MYH11: variants seen among roughly 807,000 people sequenced by gnomAD.
MYH11 encodes myosin-11.
In MYH11, 80 loss-of-function variants were observed where a neutral mutation model predicts 246.6. The observed-to-expected ratio is 0.32, with a 90% CI of 0.27 to 0.39. The LOEUF (loss-of-function observed/expected upper bound fraction) is 0.39. Ranked by LOEUF, MYH11 falls within the 10% of genes least tolerant of loss-of-function variation. The probability of loss-of-function intolerance (pLI) is 1.00; values close to 1 mark genes in which losing one functional copy is unlikely to be tolerated. For missense variants in MYH11, 2,158 were observed against 2,546.8 expected (o/e 0.85, Z 3.29); for synonymous variants, 1,071 against 1,015.5 (o/e 1.05, Z -1.04).
intron 40 of MYH11, among the ~76,000 whole-genome samples, chr16:15,706,519 C>T (rs1402106649): frequency 2.0e-5 from 3 of 152,128 alleles, no homozygotes; most frequent in African/African-American, 7.2e-5. Context: ...GCCATCCTGG[C>T]CAATATGGTG....
chr16:15,852,508 T>C (rs7188829), intron 1 of MYH11, among the ~76,000 whole-genome samples: 2,874 of 151,886 alleles, frequency 0.019, 85 homozygotes, highest in African/African-American at 0.058. Flanking sequence ...AATTTTTGTA[T>C]TTTTAGTAGA....
intron 38 of MYH11, 109 bp downstream of exon 38, chr16:15,717,031 G>C: frequency 1.7e-6 from 2 of 1,184,686 alleles, no homozygotes; most frequent in Non-Finnish European, 2.5e-6. Context: ...CACAGAGCTT[G>C]CTTCTTACAA....
chr16:15,770,809 G>A (rs972227735), intron 9 of MYH11, among the ~76,000 whole-genome samples: 17 of 152,126 alleles, frequency 1.1e-4, no homozygotes, highest in Admixed American at 3.9e-4. Context: ...AACTTAAGCC[G>A]GGAATCTACT....
In MYH11 at chr16:15,811,059, G is replaced by A. The variant is rs148246045; in HGVS notation, c.502+12196C>T. On this transcript the variant is annotated intron_variant, in intron 3 of 40. Transcript: ENST00000300036. ...GATGATATTAGGAGGTGGGGCCTTT[G>A]GGAGGTGATGAGATCATGGGGGTTC... 2.8e-3 allele frequency among the ~76,000 whole-genome samples: 423 copies of A among 152,236 alleles called. 1 individual carries two copies. Among genetic ancestry groups the A allele is most frequent in the Non-Finnish European group, 5.3e-3 (359 of 68,024 alleles).
rs1310737252 is a variant in MYH11 at position 15,720,739 on chromosome 16, AAAT to A, written c.4791+97_4791+99del. On this transcript the variant is annotated intron_variant, in intron 33 of 40. Coordinates refer to ENST00000300036, the MANE Select transcript of MYH11 (RefSeq NM_002474.3). Reference sequence around the variant, plus strand: ...CAGAGCGAGACTCTGTTTCAAAAAAAAATAAAGAAAACGAAGTTTCCACACCAA... The same window carrying A: ...CAGAGCGAGACTCTGTTTCAAAAAAAAAAGAAAACGAAGTTTCCACACCAA... The A allele has an allele frequency of 2.5e-5, 34 of 1,342,828 alleles. No individual in the cohort carries two copies. In the Admixed American group the frequency reaches 4.7e-4, roughly 19 times the overall value. The allele number at this position is 1,342,828 out of a possible 1,614,324, so 83.2% of individuals were successfully genotyped here. A position where few individuals can be genotyped will look rare whatever the true frequency, so the allele number is the denominator to read the frequency against.
chr16:15,726,750 G>T, intron 28 of MYH11, 98 bp downstream of exon 28: 1 of 1,384,078 alleles, frequency 7.2e-7, no homozygotes, highest in Non-Finnish European at 1.0e-6. Flanking sequence ...GACTTGCCTT[G>T]CAGCAAGAGA....
At chr16:15,852,687 G>A (rs997799274) in intron 1 of MYH11, among the ~76,000 whole-genome samples, 7 of 152,182 alleles carry the variant, frequency 4.6e-5, no homozygotes, top group Admixed American at 1.3e-4. Flanking sequence ...TTTTAGATAC[G>A]CATGCCCTTT....
intron 19 of MYH11, 73 bp downstream of exon 19, chr16:15,747,497 A>G (rs2151259774): frequency 1.3e-6 from 2 of 1,581,586 alleles, no homozygotes; most frequent in Middle Eastern, 1.7e-4. Context: ...TCTTAGAATC[A>G]GGGAATCAGA....
intron 2 of MYH11, among the ~76,000 whole-genome samples, chr16:15,826,571 C>T (rs1459555780): frequency 6.9e-6 from 1 of 144,884 alleles, no homozygotes; most frequent in Non-Finnish European, 1.5e-5. Context: ...CTGTGTGACA[C>T]GGTGAGACCT....
At chr16:15,718,895 A>G (rs2040316018) in intron 36 of MYH11, 1 of 418,436 alleles carries the variant, frequency 2.4e-6, no homozygotes, top group East Asian at 5.4e-5. Flanking sequence ...TGGGAGGCCA[A>G]GGTAGGAGGA....
intron 1 of MYH11, among the ~76,000 whole-genome samples, chr16:15,843,526 TAAA>T (rs34718696): frequency 1.6e-5 from 2 of 127,880 alleles, no homozygotes; most frequent in African/African-American, 2.9e-5. Flanking sequence ...CTGTCTCTAC[TAAA>T]AAAAAAAAAA....
At chr16:15,781,373 A>G (rs1238730658) in intron 6 of MYH11, among the ~76,000 whole-genome samples, 1 of 152,196 alleles carries the variant, frequency 6.6e-6, no homozygotes, top group Non-Finnish European at 1.5e-5. Flanking sequence ...TGTTACTAAA[A>G]TGGGCCTTGG....
At chr16:15,764,802 C>G (rs2041946008) in intron 9 of MYH11, among the ~76,000 whole-genome samples, 1 of 152,132 alleles carries the variant, frequency 6.6e-6, no homozygotes, top group African/African-American at 2.4e-5. Context: ...AATCATATGT[C>G]AATAAAAGGA....
chr16:15,855,646 T>A (rs995574310), intron 1 of MYH11, among the ~76,000 whole-genome samples: 1 of 152,212 alleles, frequency 6.6e-6, no homozygotes, highest in Non-Finnish European at 1.5e-5. Flanking sequence ...GGCACTGAAG[T>A]GTTCCATCAA....
Position 15,741,594 on chromosome 16 carries a change from G to T in MYH11, c.2728C>A (p.Arg910=). ...TELYAEAEEM[R]VRLAAKKQEL... is the part of the protein sequence containing the mutation. ...TGCTTCTTGGCCGCCAGCCGCACCC[G>T]CATCTCCTCAGCCTCTGCATACAGC... The change falls in exon 22 of 41, where the codon CGG becomes AGG. Residue 910 remains arginine (R), a synonymous_variant. Transcript: ENST00000300036. 2.5e-6 allele frequency: 4 copies of T among 1,612,646 alleles called. No homozygotes were observed. Among genetic ancestry groups the T allele is most frequent in the Non-Finnish European group, 3.4e-6 (4 of 1,180,014 alleles).
rs890227785 is a variant in MYH11, at chr16:15,732,378, G to A, written c.3651+186C>T. On this transcript the variant is annotated intron_variant, in intron 27 of 40. Transcript: ENST00000300036. The stretch of plus-strand genomic sequence containing the variant: ...GCCTCCCCAAGTACTGGGATTACAG[G>A]CGTGAGCCACCTCACCCAGCCTGTA... The A allele has an allele frequency of 7.0e-6, 6 of 861,354 alleles. No individual in the cohort carries two copies. The African/African-American group carries it at 1.0e-4, about 14-fold the overall frequency. The allele number at this position is 861,354 out of a possible 1,614,324, so 53.4% of individuals were successfully genotyped here. A position where few individuals can be genotyped will look rare whatever the true frequency, so the allele number is the denominator to read the frequency against.
In MYH11 at chr16:15,794,903, A is replaced by C. The variant is rs558664536; in HGVS notation, c.530+3757T>G. ...AAGTGAAGAGGGAAGAGCAGATCAC[A>C]CTCAGTCTTCCAAGTCACAGTAAGG... On this transcript the variant is annotated intron_variant, in intron 4 of 40. Transcript: ENST00000300036. Among the ~76,000 whole-genome samples, 5 of 152,336 alleles carry C rather than the reference A, an allele frequency of 3.3e-5. No individual in the cohort carries two copies. The East Asian group carries it at 9.7e-4, about 29-fold the overall frequency.
intron 16 of MYH11, 161 bp downstream of exon 16, chr16:15,749,977 C>T (rs1450354747): frequency 1.1e-6 from 1 of 888,842 alleles, no homozygotes; most frequent in Admixed American, 2.6e-5. Flanking sequence ...TCCTCCTTTT[C>T]CTCCAGGGAT....
At chr16:15,777,180 T>C (rs1298611976) in intron 7 of MYH11, among the ~76,000 whole-genome samples, 1 of 152,068 alleles carries the variant, frequency 6.6e-6, no homozygotes, top group Non-Finnish European at 1.5e-5. Context: ...TGGAGGGCAG[T>C]GTGTGATCTT....
Sources: allele counts gnomAD v4.1 joint callset (sites outside exome capture counted in the v4.1 genomes callset), GRCh38; gene constraint gnomAD v4.1.1; transcripts MANE v1.5; gene names NCBI Gene and HGNC (gene_info 2026-07-23, HGNC 2026-07-21).